LITAF: variants seen among roughly 807,000 people sequenced by gnomAD.
LITAF encodes lipopolysaccharide induced TNF factor, also known as lipopolysaccharide-induced tumor necrosis factor-alpha factor.
Under a neutral mutation model 14.5 loss-of-function variants are expected in LITAF, and 9 were observed. The ratio of observed to expected loss-of-function variants is 0.62; its 90% CI spans 0.37 to 1.08. LITAF has a LOEUF of 1.08. LITAF is among the 50% of genes least tolerant of loss of function. The probability of loss-of-function intolerance (pLI) is 0.01; values close to 1 mark genes in which losing one functional copy is unlikely to be tolerated. For missense variants in LITAF, 206 were observed against 213.4 expected (o/e 0.97, Z 0.22); for synonymous variants, 98 against 88.2 (o/e 1.11, Z -0.62).
At chr16:11,596,731 A>AAGGAGAAGGGGAGGAGGAAG (rs1210808887) in intron 1 of LITAF, among the ~76,000 whole-genome samples, 2 of 98,734 alleles carry the variant, frequency 2.0e-5, no homozygotes, top group African/African-American at 8.1e-5. Flanking sequence ...CGTGAGAGTG[A>AAGGAGAAGGGGAGGAGGAAG]AGGAGAAGGG....
intron 3 of LITAF, among the ~76,000 whole-genome samples, chr16:11,630,662 T>G (rs2065112808): frequency 6.7e-6 from 1 of 148,390 alleles, no homozygotes; most frequent in Admixed American, 6.9e-5. Flanking sequence ...CACTGCAGCC[T>G]CAAACTCCTG....
At chr16:11,572,932 C>CT (rs34208466) in intron 1 of LITAF, among the ~76,000 whole-genome samples, 1,588 of 143,096 alleles carry the variant, frequency 0.011, 42 homozygotes, top group African/African-American at 0.03. Context: ...ATCTCAAGCT[C>CT]TTTTTTTTTT....
chr16:11,602,059 AG>A (rs777916016), upstream of LITAF, among the ~76,000 whole-genome samples: 1 of 152,212 alleles, frequency 6.6e-6, no homozygotes, highest in Admixed American at 6.5e-5. Flanking sequence ...CCACTCAATA[AG>A]ATAACTCTGC....
intron 1 of LITAF, among the ~76,000 whole-genome samples, chr16:11,561,934 A>G (rs1392992060): frequency 6.6e-6 from 1 of 151,744 alleles, no homozygotes; most frequent in Non-Finnish European, 1.5e-5. Context: ...AGAAAGAAAG[A>G]GAGAAACAGG....
At chr16:11,621,393 T>C (rs947739012) in intron 3 of LITAF, among the ~76,000 whole-genome samples, 1 of 152,114 alleles carries the variant, frequency 6.6e-6, no homozygotes, top group African/African-American at 2.4e-5. Flanking sequence ...TTTGCAGAGA[T>C]GGGGTCTTGC....
chr16:11,626,454 C>G (rs562515426), intron 3 of LITAF, among the ~76,000 whole-genome samples: 1 of 149,582 alleles, frequency 6.7e-6, no homozygotes, highest in East Asian at 1.9e-4. Flanking sequence ...AGGGATTCTT[C>G]TGCCTCAGCC....
rs1206263686 is a variant in LITAF, at chr16:11,549,035, A to G, written c.*602T>C. ...GTGGATATGTCTGTACTGGGTGTTA[A>G]TAGCCCCCTCCTTGTATTTAAAAAA... On this transcript the variant is annotated 3_prime_UTR_variant, in exon 4 of 4. Coordinates refer to ENST00000622633, the MANE Select transcript of LITAF (RefSeq NM_001136472.2). The surrounding 1 kb of genome is among the most constrained non-coding windows in gnomAD (Gnocchi z 4.6). 8.9e-6 allele frequency: 4 copies of G among 450,522 alleles called. No homozygotes were observed. Among genetic ancestry groups the G allele is most frequent in the Admixed American group, 7.1e-5 (3 of 42,156 alleles). 27.9% of individuals were successfully genotyped at this position (450,522 alleles called of 1,614,324 possible).
rs896376753 is a variant in LITAF at position 11,632,486 on chromosome 16, T to G, written c.85+1047A>C. 2.0e-5 allele frequency among the ~76,000 whole-genome samples: 3 copies of G among 151,994 alleles called. No individual in the cohort carries two copies. The highest frequency in any genetic ancestry group is 7.2e-5 in the African/African-American group (3 of 41,392). ...AAAGGAGGAAGCAACCCAGGGAAGC[T>G]CCCGCAGGTCCCAGCTCAGAACTAA... On this transcript the variant is annotated intron_variant, in intron 3 of 3. Transcript: ENST00000574848. This position sits in a 1 kb window ranked among gnomAD's most constrained non-coding sequence, Gnocchi z 4.8.
At chr16:11,621,115 A>G (rs2065048208) in intron 3 of LITAF, among the ~76,000 whole-genome samples, 1 of 151,776 alleles carries the variant, frequency 6.6e-6, no homozygotes, top group Non-Finnish European at 1.5e-5. Context: ...CCTGGAGTGC[A>G]ATGGCAGTGC....
At chr16:11,614,446 C>T (rs1216718194) in intron 3 of LITAF, among the ~76,000 whole-genome samples, 3 of 151,702 alleles carry the variant, frequency 2.0e-5, no homozygotes, top group Non-Finnish European at 4.4e-5. Flanking sequence ...ATTATAGGCA[C>T]ACACCACCAG....
Position 11,632,272 on chromosome 16 carries a change from G to C in LITAF, c.85+1261C>G, listed in dbSNP as rs773671488. Among the ~76,000 whole-genome samples, 81 of 152,138 alleles carry C rather than the reference G, an allele frequency of 5.3e-4. No homozygotes were observed. Among genetic ancestry groups the C allele is most frequent in the Non-Finnish European group, 8.2e-4 (56 of 68,028 alleles). Reference sequence around the variant, plus strand: ...TCATTATCAAGTAACTACAGCTGCCGTGGGGAACAGGATTAGGCAATCCGC... The same window carrying C: ...TCATTATCAAGTAACTACAGCTGCCCTGGGGAACAGGATTAGGCAATCCGC... On this transcript the variant is annotated intron_variant, in intron 3 of 3. Transcript: ENST00000574848. This position sits in a 1 kb window ranked among gnomAD's most constrained non-coding sequence, Gnocchi z 4.8.
At chr16:11,615,117 G>A (rs992964527) in intron 3 of LITAF, among the ~76,000 whole-genome samples, 2 of 152,210 alleles carry the variant, frequency 1.3e-5, no homozygotes, top group African/African-American at 2.4e-5. Flanking sequence ...GGGGCTCTAG[G>A]AGAAAACGAG....
At chr16:11,576,388 G>A (rs775687689) in intron 1 of LITAF, among the ~76,000 whole-genome samples, 1 of 152,086 alleles carries the variant, frequency 6.6e-6, no homozygotes, top group Non-Finnish European at 1.5e-5. Flanking sequence ...AGAATTGCTT[G>A]AACCTGGGAG....
At chr16:11,552,975 C>T (rs761591972) in intron 3 of LITAF, among the ~76,000 whole-genome samples, 9 of 151,024 alleles carry the variant, frequency 6.0e-5, no homozygotes, top group Non-Finnish European at 1.3e-4. Flanking sequence ...ATTAGCCGGG[C>T]CTGACGGTGC....
intron 3 of LITAF, among the ~76,000 whole-genome samples, chr16:11,621,971 C>T (rs983977371): frequency 6.6e-6 from 1 of 152,156 alleles, no homozygotes; most frequent in Admixed American, 6.6e-5. Context: ...CAAAGTTTCT[C>T]GTGAAACCTT....
rs758876345 is a variant in LITAF at position 11,548,945 on chromosome 16, A to C, written c.*692T>G. The C allele has an allele frequency of 2.2e-6, 1 of 454,094 alleles. No individual in the cohort carries two copies. Among genetic ancestry groups the C allele is most frequent in the Non-Finnish European group, 4.4e-6 (1 of 226,790 alleles). 28.1% of individuals were successfully genotyped at this position (454,094 alleles called of 1,614,324 possible). ...GGGGCACTGAAGATCTGGCACAGAG[A>C]AACAAGGGGAGACAGGGCAGTGATA... On this transcript the variant is annotated 3_prime_UTR_variant, in exon 4 of 4. Coordinates refer to ENST00000622633, the MANE Select transcript of LITAF (RefSeq NM_001136472.2).
chr16:11,608,732 G>A (rs6498230), intron 3 of LITAF, among the ~76,000 whole-genome samples: 49,828 of 151,984 alleles, frequency 0.33, 10,694 homozygotes, highest in African/African-American at 0.6. Flanking sequence ...GGAGGCCGAG[G>A]CAGGTGGATC....
intron 3 of LITAF, among the ~76,000 whole-genome samples, chr16:11,618,122 C>A (rs565517042): frequency 1.3e-5 from 2 of 152,202 alleles, no homozygotes; most frequent in African/African-American, 4.8e-5. Flanking sequence ...GTGATCCTCC[C>A]CAGTCAGCTA....
At chr16:11,616,769 G>A (rs1048248824) in intron 3 of LITAF, among the ~76,000 whole-genome samples, 2 of 151,532 alleles carry the variant, frequency 1.3e-5, no homozygotes, top group African/African-American at 2.4e-5. Context: ...AAAATTTACC[G>A]GGCATAGTGG....
Sources: allele counts gnomAD v4.1 joint callset (sites outside exome capture counted in the v4.1 genomes callset), GRCh38; gene constraint gnomAD v4.1.1; non-coding constraint Gnocchi (gnomAD v3.1); transcripts MANE v1.5; gene names NCBI Gene and HGNC (gene_info 2026-07-23, HGNC 2026-07-21).